Variants in TMEM117 observed in about 807,000 individuals in gnomAD.
TMEM117 encodes transmembrane protein 117.
A neutral mutation model predicts 52.4 loss-of-function variants in TMEM117; 27 were observed. The ratio of observed to expected loss-of-function variants is 0.51; its 90% CI spans 0.38 to 0.71. The LOEUF (loss-of-function observed/expected upper bound fraction) is 0.71. TMEM117 is among the 30% of genes least tolerant of loss of function. The pLI is 0.00. For synonymous variants in TMEM117, 215 were observed against 206.3 expected (o/e 1.04, Z -0.36); for missense variants, 556 against 630.5 (o/e 0.88, Z 1.26).
At chr12:43,973,384 T>G (rs1182813666) in intron 3 of TMEM117, among the ~76,000 whole-genome samples, 1 of 152,148 alleles carries the variant, frequency 6.6e-6, no homozygotes, top group Non-Finnish European at 1.5e-5. Context: ...TAAATATACT[T>G]GTAACTTGGA....
rs528609791 is a variant in TMEM117 at position 43,844,463 on chromosome 12, C to T, written c.-28-161C>T. Among the ~76,000 whole-genome samples, 87 of 152,304 alleles carry T rather than the reference C, an allele frequency of 5.7e-4. No homozygotes were observed. The South Asian group carries it at 0.014, about 25-fold the overall frequency. ...TAGATGTTAGGGAAGGGACAGTATT[C>T]GCTTTCCTCATTCTCAGACTTGTCT... On this transcript the variant is annotated intron_variant, in intron 1 of 7. Coordinates refer to ENST00000266534, the MANE Select transcript of TMEM117 (RefSeq NM_032256.3).
At chr12:43,813,900 A>G in the TMEM117 span, among the ~76,000 whole-genome samples, 1 of 151,792 alleles carries the variant, frequency 6.6e-6, no homozygotes, top group Non-Finnish European at 1.5e-5. Context: ...TTCTTTTACA[A>G]CCATTGTCAG....
rs1952120281 is a variant in TMEM117 at position 44,388,285 on chromosome 12, A to G, written c.1158A>G (p.Ile386Met). 6.2e-7 allele frequency: 1 copy of G among 1,613,490 alleles called. No individual in the cohort carries two copies. Among genetic ancestry groups the G allele is most frequent in the Non-Finnish European group, 8.5e-7 (1 of 1,179,662 alleles). ...ACATGTTCTTACACAGCAGGTTCAT[A>G]GGAGCCAGTCTTGATGTCAAGTGTC... Reference protein sequence around the residue: ...EGDMFLHSRFIGASLDVKCLA... With the variant: ...EGDMFLHSRFMGASLDVKCLA... Residue 386 changes from isoleucine to methionine, a missense_variant, in exon 8 of 8, where the codon ATA becomes ATG. Ile to Met is a conservative substitution (Grantham distance 10, BLOSUM62 1). This residue lies in a region of TMEM117 where 206 missense variants were observed against 211.1 expected (regional missense o/e 0.98). Transcript: ENST00000266534.
intron 3 of TMEM117, among the ~76,000 whole-genome samples, chr12:44,057,689 G>A (rs1042275824): frequency 6.6e-6 from 1 of 152,042 alleles, no homozygotes; most frequent in Non-Finnish European, 1.5e-5. Context: ...ATTGTTGAGG[G>A]ACAACCCAAA....
At chr12:44,372,313 T>C (rs1951874933) in intron 6 of TMEM117, among the ~76,000 whole-genome samples, 1 of 152,192 alleles carries the variant, frequency 6.6e-6, no homozygotes, top group Non-Finnish European at 1.5e-5. Flanking sequence ...ATTTTTATCT[T>C]GTGTTCAAAA....
intron 2 of TMEM117, among the ~76,000 whole-genome samples, chr12:43,917,608 T>A (rs1213530058): frequency 1.3e-5 from 2 of 152,068 alleles, no homozygotes; most frequent in Non-Finnish European, 2.9e-5. Context: ...CCATTATGCA[T>A]ATCATAAACA....
At chr12:44,292,256 G>A (rs906548743) in intron 5 of TMEM117, among the ~76,000 whole-genome samples, 3 of 151,728 alleles carry the variant, frequency 2.0e-5, no homozygotes, top group Admixed American at 6.6e-5. Context: ...ATTATTATTC[G>A]GAGTAGTCTC....
rs1301829620 is a variant in TMEM117, at chr12:43,978,570, T to C, written c.410+34228T>C. On this transcript the variant is annotated intron_variant, in intron 3 of 7. Coordinates refer to ENST00000266534, the MANE Select transcript of TMEM117 (RefSeq NM_032256.3). ...TGTTAAAGCTTTAGGTATGGGGGAG[T>C]GAACTACTTTTGTAGGCACAACTAC... 3.9e-5 allele frequency among the ~76,000 whole-genome samples: 6 copies of C among 151,956 alleles called. No homozygotes were observed. The East Asian group carries it at 1.2e-3, about 29-fold the overall frequency.
At chr12:44,192,169 G>A (rs755256414) in intron 4 of TMEM117, among the ~76,000 whole-genome samples, 2 of 152,112 alleles carry the variant, frequency 1.3e-5, no homozygotes, top group Non-Finnish European at 2.9e-5. Context: ...GATAAAGGGT[G>A]CAGGGTGGTC....
intron 6 of TMEM117, among the ~76,000 whole-genome samples, chr12:44,360,380 G>C (rs764496165): frequency 6.6e-6 from 1 of 151,920 alleles, no homozygotes; most frequent in Non-Finnish European, 1.5e-5. Flanking sequence ...AGGCATTTTA[G>C]ACCAGCCAAC....
intron 3 of TMEM117, among the ~76,000 whole-genome samples, chr12:44,017,228 G>T (rs1166780506): frequency 9.7e-6 from 1 of 103,024 alleles, no homozygotes; most frequent in African/African-American, 8.0e-5. Context: ...TATTTATGAA[G>T]CCTTCTGTGT....
chr12:44,254,281 G>A (rs940902557), intron 5 of TMEM117, among the ~76,000 whole-genome samples: 3 of 151,928 alleles, frequency 2.0e-5, no homozygotes, highest in Non-Finnish European at 4.4e-5. Context: ...TTTTTAATTA[G>A]TATGAAGAGG....
chr12:43,923,921 C>A (rs753135237), intron 2 of TMEM117, among the ~76,000 whole-genome samples: 2 of 152,188 alleles, frequency 1.3e-5, no homozygotes, highest in Non-Finnish European at 2.9e-5. Flanking sequence ...AGGAAGGAAA[C>A]ACAATTTATA....
At chr12:43,823,462 C>T in the TMEM117 span, among the ~76,000 whole-genome samples, 1 of 152,160 alleles carries the variant, frequency 6.6e-6, no homozygotes, top group Admixed American at 6.5e-5. Flanking sequence ...AAAACAATCT[C>T]ACAGTAGAGA....
At chr12:44,162,658 A>C (rs1275420906) in intron 4 of TMEM117, among the ~76,000 whole-genome samples, 1 of 152,178 alleles carries the variant, frequency 6.6e-6, no homozygotes, top group African/African-American at 2.4e-5. Flanking sequence ...ATGAATGAAT[A>C]CATAAATAAG....
chr12:44,335,220 T>C (rs1951325408), intron 6 of TMEM117, among the ~76,000 whole-genome samples: 2 of 152,076 alleles, frequency 1.3e-5, no homozygotes, highest in South Asian at 2.1e-4. Context: ...CACTTGAAAA[T>C]TCAGAGGAGT....
intron 5 of TMEM117, among the ~76,000 whole-genome samples, chr12:44,250,778 A>C (rs1486916554): frequency 1.3e-5 from 2 of 152,160 alleles, no homozygotes; most frequent in African/African-American, 4.8e-5. Flanking sequence ...CCTAAGTGGG[A>C]GTTGAACAAT....
chr12:43,904,376 A>C (rs948146609), intron 2 of TMEM117, among the ~76,000 whole-genome samples: 2 of 152,164 alleles, frequency 1.3e-5, no homozygotes, highest in Non-Finnish European at 2.9e-5. Flanking sequence ...CCTGTCTTTT[A>C]AAACAAACAG....
At chr12:43,826,360 C>T in the TMEM117 span, among the ~76,000 whole-genome samples, 1 of 152,176 alleles carries the variant, frequency 6.6e-6, no homozygotes, top group African/African-American at 2.4e-5. Flanking sequence ...ATTCTCTGTC[C>T]AAGTTTTTGG....
Sources: gnomAD v4.1 joint callset for allele counts (sites outside exome capture counted in the v4.1 genomes callset) on GRCh38, gnomAD v4.1.1 for gene constraint, gnomAD v4.1.1 regional missense constraint, MANE v1.5 for transcripts, NCBI Gene and HGNC (gene_info 2026-07-23, HGNC 2026-07-21) for gene names.